GNL2: variants seen among roughly 807,000 people sequenced by gnomAD.
GNL2 encodes nucleolar GTP-binding protein 2.
Under a neutral mutation model 92.3 loss-of-function variants are expected in GNL2, and 51 were observed. That is an observed-to-expected ratio of 0.55 (90% CI 0.44 to 0.70). The LOEUF (loss-of-function observed/expected upper bound fraction) is 0.70. Ranked by LOEUF, GNL2 falls within the 30% of genes least tolerant of loss-of-function variation. The pLI is 0.00. For missense variants in GNL2, 844 were observed against 895.6 expected (o/e 0.94, Z 0.74); for synonymous variants, 283 against 300.6 (o/e 0.94, Z 0.61).
intron 1 of GNL2, 125 bp from the exon 2 acceptor site, chr1:37,593,971 T>C: frequency 4.7e-6 from 3 of 636,630 alleles, no homozygotes; most frequent in Middle Eastern, 4.1e-4. Context: ...CACAAAAATC[T>C]CTACTTTCTC....
In GNL2 at chr1:37,575,321, C is replaced by T. The variant is rs1643661233; in HGVS notation, c.1143+274G>A. Among the ~76,000 whole-genome samples, 1 of 152,168 alleles carries T rather than the reference C, an allele frequency of 6.6e-6. No individual in the cohort carries two copies. Among genetic ancestry groups the T allele is most frequent in the South Asian group, 2.1e-4 (1 of 4,826 alleles). ...CCATAAACCCACGAAGACGAATTATCGCTAAGCATAAACAGGCCCTGCTTC... is the reference window on the plus strand; with the variant it reads ...CCATAAACCCACGAAGACGAATTATTGCTAAGCATAAACAGGCCCTGCTTC... On this transcript the variant is annotated intron_variant, in intron 10 of 15. Coordinates refer to ENST00000373062, the MANE Select transcript of GNL2 (RefSeq NM_013285.3). The surrounding 1 kb of genome is among the most constrained non-coding windows in gnomAD (Gnocchi z 4.1).
Position 37,582,739 on chromosome 1 carries a change from T to C in GNL2, c.795+39A>G, listed in dbSNP as rs1447320744. On this transcript the variant is annotated intron_variant, in intron 7 of 15. Coordinates refer to ENST00000373062, the MANE Select transcript of GNL2 (RefSeq NM_013285.3). ...GCCCTACAACTGACTTACTAACAGA[T>C]GTCTTAATAGTCTATTCTGGTTTAG... 3 of 1,524,786 alleles carry C rather than the reference T, an allele frequency of 2.0e-6. No individual in the cohort carries two copies. In the African/African-American group the frequency reaches 4.1e-5, roughly 21 times the overall value. The allele number at this position is 1,524,786 out of a possible 1,614,324, so 94.5% of individuals were successfully genotyped here. A position where few individuals can be genotyped will look rare whatever the true frequency, so the allele number is the denominator to read the frequency against.
In GNL2 at chr1:37,568,934, G is replaced by A. The variant is rs144795287; in HGVS notation, c.1785C>T (p.Ala595=). 62 of 1,614,046 alleles carry A rather than the reference G, an allele frequency of 3.8e-5. 1 individual carries two copies. The African/African-American group carries it at 5.7e-4, about 15-fold the overall frequency. The change falls in exon 13 of 16, where the codon GCC becomes GCT. Residue 595 remains alanine (A), a synonymous_variant. Transcript: ENST00000373062. ...EEENVGNDTK[A]VIKALDEKIA... is the part of the protein sequence containing the mutation. ...TCTTCTCATCCAGTGCTTTAATAAC[G>A]GCTTTGGTGTCGTTTCCCACATTTT...
chr1:37,595,664 C>A, intron 1 of GNL2, 95 bp downstream of exon 1: 2 of 1,019,984 alleles, frequency 2.0e-6, no homozygotes, highest in Non-Finnish European at 3.1e-6. Flanking sequence ...CTAAGCAATG[C>A]CACTCGAGTA....
At chr1:37,591,798 C>T (rs1484354896) in intron 3 of GNL2, among the ~76,000 whole-genome samples, 3 of 152,168 alleles carry the variant, frequency 2.0e-5, no homozygotes, top group Admixed American at 6.5e-5. Flanking sequence ...TGAGCCACTG[C>T]GCCCTGCCTG....
chr1:37,581,406 G>A (rs937488303), intron 8 of GNL2: 3 of 455,906 alleles, frequency 6.6e-6, no homozygotes, highest in African/African-American at 2.0e-5. Context: ...AGGAGCTGAC[G>A]TCTGACCAGG....
intron 3 of GNL2, among the ~76,000 whole-genome samples, chr1:37,591,619 C>A (rs539725804): frequency 6.6e-6 from 1 of 151,652 alleles, no homozygotes; most frequent in Admixed American, 6.6e-5. Context: ...GATTCTCCTG[C>A]CCCAGCCTCC....
intron 1 of GNL2, chr1:37,594,103 G>T: frequency 2.3e-6 from 1 of 437,488 alleles, no homozygotes; most frequent in Non-Finnish European, 4.1e-6. Flanking sequence ...ACTTATGATG[G>T]CACTGTGTTA....
At chr1:37,588,861 T>C (rs1643871518) in intron 4 of GNL2, among the ~76,000 whole-genome samples, 1 of 152,222 alleles carries the variant, frequency 6.6e-6, no homozygotes, top group Admixed American at 6.5e-5. Context: ...GTTAAGGTTT[T>C]TCAAGGCCAA....
chr1:37,581,986 G>A (rs1643777401), intron 8 of GNL2, among the ~76,000 whole-genome samples: 1 of 149,716 alleles, frequency 6.7e-6, no homozygotes, highest in Non-Finnish European at 1.5e-5. Flanking sequence ...TTAGAGGCAG[G>A]GTTTTGCTCT....
At chr1:37,583,824 A>T (rs1643809756) in intron 6 of GNL2, 43 bp downstream of exon 6, 1 of 1,111,928 alleles carries the variant, frequency 9.0e-7, no homozygotes, top group Non-Finnish European at 1.4e-6. Flanking sequence ...AAATCATGAA[A>T]GCCCAAGGAA....
intron 12 of GNL2, chr1:37,570,788 G>A (rs1314055096): frequency 1.3e-5 from 2 of 152,182 alleles, no homozygotes; most frequent in Non-Finnish European, 2.9e-5. Context: ...AGGTAAGGAG[G>A]GGGAATTCTG....
intron 8 of GNL2, chr1:37,581,397 G>T (rs1453144958): frequency 8.8e-6 from 4 of 455,940 alleles, no homozygotes; most frequent in African/African-American, 6.0e-5. Flanking sequence ...GCTTCCCTCA[G>T]GAGCTGACGT....
rs184099354 is a variant in GNL2, at chr1:37,567,639, T to A, written c.2043+34A>T. ...TTGACAACTGGAGTTCTAGTTACTC[T>A]ACTTGGGCCATACTTAAAACCTATG... On this transcript the variant is annotated intron_variant, in intron 15 of 15. Transcript: ENST00000373062. 1.8e-5 allele frequency: 25 copies of A among 1,355,172 alleles called. No individual in the cohort carries two copies. In the East Asian group the frequency reaches 5.5e-4, roughly 30 times the overall value. 83.9% of individuals were successfully genotyped at this position (1,355,172 alleles called of 1,614,324 possible). A position where few individuals can be genotyped will look rare whatever the true frequency, so the allele number is the denominator to read the frequency against.
chr1:37,574,409 G>A lies in GNL2; in HGVS notation c.1350C>T (p.Asp450=). The A allele has an allele frequency of 1.9e-6, 3 of 1,614,086 alleles. No individual in the cohort carries two copies. The highest frequency in any genetic ancestry group is 2.5e-6 in the Non-Finnish European group (3 of 1,180,004). Reference sequence around the variant, plus strand: ...AGAAAGGAATCCGGCCCCTCTGCCAGTCATTGAGGACCATCTTACCCACAG... The same window carrying A: ...AGAAAGGAATCCGGCCCCTCTGCCAATCATTGAGGACCATCTTACCCACAG... The part of the protein sequence containing the change: ...LQTVGKMVLN[D]WQRGRIPFFV... Residue 450 remains aspartate (D), a synonymous_variant, in exon 12 of 16, where the codon GAC becomes GAT. Transcript: ENST00000373062.
At chr1:37,591,902 A>T (rs963159888) in intron 3 of GNL2, among the ~76,000 whole-genome samples, 17 of 152,346 alleles carry the variant, frequency 1.1e-4, no homozygotes, top group African/African-American at 3.8e-4. Flanking sequence ...AGACAGACTT[A>T]ATAACTTGCC....
chr1:37,579,769 G>C (rs1266962160), intron 8 of GNL2, among the ~76,000 whole-genome samples: 1 of 150,624 alleles, frequency 6.6e-6, no homozygotes, highest in South Asian at 2.1e-4. Flanking sequence ...TGTGGCGTGT[G>C]CCTGCAGTCC....
chr1:37,590,839 G>GT lies in GNL2; in HGVS notation c.250dup (p.Thr84AsnfsTer5), dbSNP rs1177341553. The GT allele has an allele frequency of 6.4e-7, 1 of 1,565,600 alleles. No homozygotes were observed. Among genetic ancestry groups the GT allele is most frequent in the Non-Finnish European group, 8.6e-7 (1 of 1,156,582 alleles). ...TAATGATGACTGCTTAATCACACGTGTGTTTCCTGTTTTACAAATAAAGAA... is the reference window on the plus strand; with the variant it reads ...TAATGATGACTGCTTAATCACACGTGTTGTTTCCTGTTTTACAAATAAAGAA... On this transcript the variant is annotated frameshift_variant, in exon 4 of 16. Coordinates refer to ENST00000373062, the MANE Select transcript of GNL2 (RefSeq NM_013285.3). LOFTEE classifies it high-confidence loss of function.
At chr1:37,587,221 C>T (rs1002119408) in intron 5 of GNL2, 90 bp downstream of exon 5, 18 of 966,776 alleles carry the variant, frequency 1.9e-5, no homozygotes, top group Non-Finnish European at 2.3e-5. Context: ...GGGCCAAGAT[C>T]GCACCACTGC....
Sources: gnomAD v4.1 joint callset for allele counts (sites outside exome capture counted in the v4.1 genomes callset) on GRCh38, gnomAD v4.1.1 for gene constraint, Gnocchi (gnomAD v3.1) non-coding constraint, MANE v1.5 for transcripts, NCBI Gene and HGNC (gene_info 2026-07-23, HGNC 2026-07-21) for gene names.